Variants in PIP5K1B observed in about 807,000 individuals in gnomAD.
The protein encoded by PIP5K1B is phosphatidylinositol-4-phosphate 5-kinase type 1 beta.
In PIP5K1B, 42 loss-of-function variants were observed where a neutral mutation model predicts 67.0. That is an observed-to-expected ratio of 0.63 (90% confidence interval 0.49 to 0.81). PIP5K1B has a LOEUF of 0.81. PIP5K1B is among the 30% of genes least tolerant of loss of function. The pLI, the probability that PIP5K1B is intolerant of heterozygous loss-of-function variation, is 0.00. For missense variants in PIP5K1B, 459 were observed against 646.3 expected, an observed-to-expected ratio of 0.71 and a Z score of 3.14; for synonymous variants, 214 against 231.4, an observed-to-expected ratio of 0.92 and a Z score of 0.68.
rs12348531 is a variant in PIP5K1B at position 68,705,573 on chromosome 9, C to G, written c.-432C>G. The G allele has an allele frequency of 0.13, 19,725 of 149,084 alleles. 1,420 individuals are homozygous for G. The highest frequency in any genetic ancestry group is 0.15 in the Middle Eastern group (43 of 288). 9.2% of individuals were successfully genotyped at this position (149,084 alleles called of 1,614,324 possible). The stretch of plus-strand genomic sequence containing the variant: ...CGCGGCTCCAGCCCCGGCACCTGCC[C>G]GCCCTCAGCGTTGCCCCCGGCCCCG... On this transcript the variant is annotated 5_prime_UTR_variant, in exon 1 of 16. Transcript: ENST00000265382.
In PIP5K1B at chr9:68,807,518, C is replaced by T. The variant is rs538292952; in HGVS notation, c.-85-10943C>T. Among the ~76,000 whole-genome samples the T allele has an allele frequency of 5.6e-4, 86 of 152,326 alleles. 1 individual carries two copies. Among genetic ancestry groups the T allele is most frequent in the Non-Finnish European group, 3.7e-4 (25 of 68,032 alleles). ...CCCACAGGCACAGAGCCCCCAGACA[C>T]CTGGCAGGGTAACTATCAGCTGTTC... On this transcript the variant is annotated intron_variant, in intron 2 of 15. Transcript: ENST00000265382.
intron 1 of PIP5K1B, among the ~76,000 whole-genome samples, chr9:68,734,277 A>G (rs1828616058): frequency 1.3e-5 from 2 of 152,232 alleles, no homozygotes. Context: ...AGTGTTGTTG[A>G]GGAAATACGC....
chr9:68,871,491 A>T (rs1442868364), intron 5 of PIP5K1B, among the ~76,000 whole-genome samples: 3 of 152,160 alleles, frequency 2.0e-5, no homozygotes, highest in African/African-American at 7.2e-5. Context: ...TGCCATTAAG[A>T]TATATGTATT....
At chr9:68,925,192 T>C (rs561181896) in intron 12 of PIP5K1B, among the ~76,000 whole-genome samples, 3 of 152,306 alleles carry the variant, frequency 2.0e-5, no homozygotes, top group South Asian at 2.1e-4. Context: ...TGTTTCTCCT[T>C]TTTCTATTTC....
At chr9:68,898,902 A>T (rs1483013087) in intron 8 of PIP5K1B, among the ~76,000 whole-genome samples, 2 of 151,920 alleles carry the variant, frequency 1.3e-5, no homozygotes, top group Non-Finnish European at 2.9e-5. Flanking sequence ...TCACATCCCC[A>T]CCACTGCTGC....
chr9:68,750,829 G>A (rs954058948), intron 2 of PIP5K1B, among the ~76,000 whole-genome samples: 3 of 152,134 alleles, frequency 2.0e-5, no homozygotes, highest in African/African-American at 7.2e-5. Flanking sequence ...GATATTAGAG[G>A]GGACAGTTTT....
At chr9:68,757,397 G>C (rs1342681129) in intron 2 of PIP5K1B, among the ~76,000 whole-genome samples, 1 of 152,092 alleles carries the variant, frequency 6.6e-6, no homozygotes, top group East Asian at 1.9e-4. Flanking sequence ...TCAGATAGGA[G>C]AAACTTCAGA....
At chr9:68,764,051 T>G (rs1163609513) in intron 2 of PIP5K1B, among the ~76,000 whole-genome samples, 2 of 151,190 alleles carry the variant, frequency 1.3e-5, no homozygotes, top group Non-Finnish European at 2.9e-5. Flanking sequence ...ATCCCTTTTT[T>G]GGACACCCCT....
intron 14 of PIP5K1B, among the ~76,000 whole-genome samples, chr9:68,959,576 A>G (rs1043397632): frequency 1.3e-5 from 2 of 152,104 alleles, no homozygotes; most frequent in African/African-American, 4.8e-5. Flanking sequence ...GAAGAGGATG[A>G]TATAGCTCCC....
At chr9:68,894,806 T>C (rs1467438278) in intron 8 of PIP5K1B, among the ~76,000 whole-genome samples, 168 bp downstream of exon 8, 2 of 152,214 alleles carry the variant, frequency 1.3e-5, no homozygotes, top group Non-Finnish European at 2.9e-5. Context: ...ATTGAAGGAA[T>C]TGGTAGATGA....
chr9:68,710,761 T>G (rs1402021478), intron 1 of PIP5K1B, among the ~76,000 whole-genome samples: 1 of 152,224 alleles, frequency 6.6e-6, no homozygotes, highest in East Asian at 1.9e-4. Flanking sequence ...GAAGTGTGTG[T>G]TCTTGTAGGA....
intron 1 of PIP5K1B, chr9:68,707,635 A>T (rs115830358): frequency 1.4e-3 from 219 of 152,304 alleles, no homozygotes; most frequent in African/African-American, 5.2e-3. Flanking sequence ...AAGCAGTGGG[A>T]GTTTTCCATG....
At chr9:68,732,850 TA>T (rs34795872) in intron 1 of PIP5K1B, among the ~76,000 whole-genome samples, 32,293 of 148,852 alleles carry the variant, frequency 0.22, 3,628 homozygotes, top group East Asian at 0.33. Context: ...TACAATTGAT[TA>T]CTGGCACAGT....
At chr9:68,959,960 C>T (rs972407568) in intron 14 of PIP5K1B, among the ~76,000 whole-genome samples, 1 of 152,144 alleles carries the variant, frequency 6.6e-6, no homozygotes, top group South Asian at 2.1e-4. Flanking sequence ...CACCTTTGTT[C>T]TGGGAATTCA....
rs910183683 is a variant in PIP5K1B at position 68,991,205 on chromosome 9, C to G, written c.1568C>G (p.Pro523Arg). The change falls in exon 15 of 16, where the codon CCC (proline) becomes CGC (arginine). Residue 523 changes from proline to arginine, a missense_variant. This residue lies in a region of PIP5K1B where 169 missense variants were observed against 171.9 expected (regional missense o/e 0.98). Coordinates refer to ENST00000265382, the MANE Select transcript of PIP5K1B (RefSeq NM_003558.4). ...EEGTIYLTAE[P>R]NTLEVQDDNA... ...GGGACCATCTACTTGACCGCTGAGC[C>G]CAACACTCTGGAAGTGCAGGATGAC... The G allele has an allele frequency of 1.9e-6, 3 of 1,612,604 alleles. No individual in the cohort carries two copies. Among genetic ancestry groups the G allele is most frequent in the African/African-American group, 2.7e-5 (2 of 74,980 alleles).
intron 14 of PIP5K1B, among the ~76,000 whole-genome samples, chr9:68,987,279 TG>T (rs2132930373): frequency 6.6e-6 from 1 of 150,506 alleles, no homozygotes; most frequent in East Asian, 2.0e-4. Flanking sequence ...TAATTAATGT[TG>T]GGGCCAGGCG....
chr9:68,804,943 T>C (rs1832788822), intron 2 of PIP5K1B, among the ~76,000 whole-genome samples: 2 of 152,232 alleles, frequency 1.3e-5, no homozygotes, highest in African/African-American at 4.8e-5. Context: ...TGATTATTTA[T>C]AGGACAGAGA....
intron 3 of PIP5K1B, 69 bp from the exon 4 acceptor site, chr9:68,822,546 G>T: frequency 9.1e-7 from 1 of 1,098,548 alleles, no homozygotes; most frequent in Non-Finnish European, 1.3e-6. Context: ...CCTTTGGTTA[G>T]CAATATTATT....
intron 4 of PIP5K1B, among the ~76,000 whole-genome samples, chr9:68,854,343 T>C (rs1306959178): frequency 6.6e-6 from 1 of 152,022 alleles, no homozygotes; most frequent in African/African-American, 2.4e-5. Flanking sequence ...CGGCCCAGGC[T>C]GATCTCATAC....
Sources: allele counts gnomAD v4.1 joint callset (sites outside exome capture counted in the v4.1 genomes callset), GRCh38; gene constraint gnomAD v4.1.1; regional missense constraint gnomAD v4.1.1; transcripts MANE v1.5; gene names NCBI Gene and HGNC (gene_info 2026-07-23, HGNC 2026-07-21).